The following PARD3B variants were observed in gnomAD, a reference collection of about 807,000 sequenced individuals.
PARD3B encodes par-3 family cell polarity regulator beta, also known as partitioning defective 3 homolog B.
In PARD3B, 103 loss-of-function variants were observed where a neutral mutation model predicts 130.2. The observed-to-expected ratio is 0.79, with a 90% confidence interval of 0.67 to 0.93. The LOEUF (loss-of-function observed/expected upper bound fraction) is 0.93. Ranked by LOEUF, PARD3B falls within the 40% of genes least tolerant of loss-of-function variation. PARD3B has a pLI of 0.00. For synonymous variants in PARD3B, 583 were observed against 553.2 expected (o/e 1.05, Z -0.76); for missense variants, 1,609 against 1,499.2 (o/e 1.07, Z -1.21).
At chr2:204,553,547 T>C (rs2030629632) in intron 1 of PARD3B, among the ~76,000 whole-genome samples, 1 of 145,782 alleles carries the variant, frequency 6.9e-6, no homozygotes, top group African/African-American at 2.6e-5. Flanking sequence ...GGTGTGTGTG[T>C]GTGTGTGTGT....
rs117713826 is a variant in PARD3B at position 204,785,520 on chromosome 2, C to T, written c.222+99238C>T. Among the ~76,000 whole-genome samples, 21 of 152,262 alleles carry T rather than the reference C, an allele frequency of 1.4e-4. No homozygotes were observed. The East Asian group carries it at 2.9e-3, about 21-fold the overall frequency. On this transcript the variant is annotated intron_variant, in intron 2 of 22. Transcript: ENST00000406610. Reference sequence around the variant, plus strand: ...GTGTCCATCCTTCCTTAATATGACACTTTAAGGTTGGATAGATACTCCTGC... The same window carrying T: ...GTGTCCATCCTTCCTTAATATGACATTTTAAGGTTGGATAGATACTCCTGC...
At chr2:205,529,692 A>G (rs913280820) in intron 21 of PARD3B, among the ~76,000 whole-genome samples, 1 of 152,186 alleles carries the variant, frequency 6.6e-6, no homozygotes, top group African/African-American at 2.4e-5. Flanking sequence ...TTAGGTAGAA[A>G]TGAGTTTGAC....
chr2:204,866,662 T>A (rs975336000), intron 2 of PARD3B, among the ~76,000 whole-genome samples: 2 of 151,778 alleles, frequency 1.3e-5, no homozygotes, highest in African/African-American at 4.8e-5. Context: ...TTAAAAGATA[T>A]ATATGTGTAT....
intron 21 of PARD3B, among the ~76,000 whole-genome samples, chr2:205,542,801 C>G (rs1445382972): frequency 6.6e-6 from 1 of 152,108 alleles, no homozygotes; most frequent in Non-Finnish European, 1.5e-5. Context: ...GATTTATACT[C>G]CAGATCTGAG....
intron 22 of PARD3B, among the ~76,000 whole-genome samples, chr2:205,600,059 C>T (rs2054723830): frequency 6.6e-6 from 1 of 152,176 alleles, no homozygotes; most frequent in Non-Finnish European, 1.5e-5. Context: ...GCTGACCTGC[C>T]CTTCTCTGAA....
At chr2:204,824,201 A>T (rs1252094240) in intron 2 of PARD3B, among the ~76,000 whole-genome samples, 2 of 152,174 alleles carry the variant, frequency 1.3e-5, no homozygotes, top group African/African-American at 4.8e-5. Context: ...CCAGGGACTG[A>T]TATGTTATCC....
Position 205,289,195 on chromosome 2 carries a change from G to A in PARD3B, c.2186-11335G>A, listed in dbSNP as rs145266939. On this transcript the variant is annotated intron_variant, in intron 16 of 22. Coordinates refer to ENST00000406610, the MANE Select transcript of PARD3B (RefSeq NM_001302769.2). ...AAGGAGATAGAAGATGATTTGAAAA[G>A]TGATAAGAAATCTTAGACCAAAAAA... is the stretch of plus-strand genomic sequence containing the variant. 2.6e-5 allele frequency among the ~76,000 whole-genome samples: 4 copies of A among 152,270 alleles called. No homozygotes were observed. The East Asian group carries it at 7.7e-4, about 29-fold the overall frequency.
chr2:205,167,922 A>G (rs1295557426), intron 11 of PARD3B, among the ~76,000 whole-genome samples: 8 of 152,222 alleles, frequency 5.3e-5, no homozygotes, highest in Non-Finnish European at 1.2e-4. Flanking sequence ...ACTAGCCTAC[A>G]TTAGGTGTTC....
chr2:205,034,565 A>C (rs1697664182), intron 3 of PARD3B, among the ~76,000 whole-genome samples: 1 of 152,134 alleles, frequency 6.6e-6, no homozygotes, highest in African/African-American at 2.4e-5. Context: ...CTACATACAC[A>C]AGACAAATAG....
At chr2:204,739,333 G>A (rs2039895716) in intron 2 of PARD3B, among the ~76,000 whole-genome samples, 5 of 152,148 alleles carry the variant, frequency 3.3e-5, no homozygotes, top group South Asian at 2.1e-4. Context: ...ATTGAAATGT[G>A]TGTGTTGGTT....
intron 22 of PARD3B, among the ~76,000 whole-genome samples, chr2:205,594,499 T>C (rs559865662): frequency 6.6e-6 from 1 of 152,136 alleles, no homozygotes; most frequent in Non-Finnish European, 1.5e-5. Flanking sequence ...AGGGACCATG[T>C]GAATAAACCC....
chr2:205,075,976 A>T (rs1701034972), intron 4 of PARD3B, among the ~76,000 whole-genome samples: 1 of 152,194 alleles, frequency 6.6e-6, no homozygotes, highest in Non-Finnish European at 1.5e-5. Flanking sequence ...TATATATTTT[A>T]TATGATAAAT....
Position 205,416,522 on chromosome 2 carries a change from A to G in PARD3B, c.2741+15399A>G, listed in dbSNP as rs564481301. ...CTGGAACACCTGTGGGGAAGGCACC[A>G]TTCCTCCTCACATATGTCTTCATCC... On this transcript the variant is annotated intron_variant, in intron 19 of 22. Transcript: ENST00000406610. Among the ~76,000 whole-genome samples, 449 of 152,296 alleles carry G rather than the reference A, an allele frequency of 2.9e-3. 2 individuals are homozygous for G. Among genetic ancestry groups the G allele is most frequent in the African/African-American group, 0.01 (421 of 41,578 alleles).
intron 18 of PARD3B, among the ~76,000 whole-genome samples, chr2:205,328,520 A>T (rs997047999): frequency 8.5e-5 from 13 of 152,200 alleles, no homozygotes; most frequent in Non-Finnish European, 2.9e-5. Flanking sequence ...TATATTAAAA[A>T]TAACAGAAAT....
chr2:204,577,931 G>A (rs1464963796), intron 1 of PARD3B, among the ~76,000 whole-genome samples: 1 of 152,078 alleles, frequency 6.6e-6, no homozygotes, highest in Admixed American at 6.6e-5. Context: ...AGTGGCCCTC[G>A]TTGGGGGTGG....
At chr2:204,909,134 AC>A (rs1172741375) in intron 2 of PARD3B, among the ~76,000 whole-genome samples, 2 of 152,172 alleles carry the variant, frequency 1.3e-5, no homozygotes, top group African/African-American at 4.8e-5. Context: ...CAGATCATCA[AC>A]CTTAAAAAAA....
intron 2 of PARD3B, among the ~76,000 whole-genome samples, chr2:204,822,342 G>A (rs1213189098): frequency 6.6e-6 from 1 of 152,294 alleles, no homozygotes; most frequent in East Asian, 1.9e-4. Flanking sequence ...TTCTGGATGA[G>A]AAAAGAAAGT....
intron 14 of PARD3B, among the ~76,000 whole-genome samples, chr2:205,188,182 G>A (rs2036200714): frequency 6.6e-6 from 1 of 152,218 alleles, no homozygotes; most frequent in Admixed American, 6.5e-5. Flanking sequence ...TCACAGGAGA[G>A]CAGTGTTTAA....
intron 3 of PARD3B, among the ~76,000 whole-genome samples, chr2:204,985,728 TG>T (rs1693077467): frequency 6.6e-6 from 1 of 151,960 alleles, no homozygotes; most frequent in Non-Finnish European, 1.5e-5. Flanking sequence ...TGGTTTCATA[TG>T]GGGGGAAGAT....
Sources: gnomAD v4.1 joint callset for allele counts (sites outside exome capture counted in the v4.1 genomes callset) on GRCh38, gnomAD v4.1.1 for gene constraint, MANE v1.5 for transcripts, NCBI Gene and HGNC (gene_info 2026-07-23, HGNC 2026-07-21) for gene names.